The following ABCB5 variants were observed in gnomAD, a reference collection of about 807,000 sequenced individuals.
The protein encoded by ABCB5 is ATP-binding cassette sub-family B member 5.
In ABCB5, 155 loss-of-function variants were observed where a neutral mutation model predicts 144.2. That is an observed-to-expected ratio of 1.08 (90% CI 0.94 to 1.23). The LOEUF (loss-of-function observed/expected upper bound fraction) is 1.23, where lower values mean the gene tolerates loss of function less well. Ranked by LOEUF, ABCB5 falls within the 50% of genes most tolerant of loss-of-function variation. The pLI is 0.00. For synonymous variants in ABCB5, 610 were observed against 528.6 expected, an observed-to-expected ratio of 1.15 and a Z score of -2.11; for missense variants, 1,830 against 1,520.8, an observed-to-expected ratio of 1.20 and a Z score of -3.38.
intron 11 of ABCB5, 29 bp from the exon 12 acceptor site, chr7:20,649,993 T>G (rs759701627): frequency 6.3e-7 from 1 of 1,592,372 alleles, no homozygotes; most frequent in South Asian, 1.1e-5. Context: ...ATTGTGGTTT[T>G]ATGATTTTCC....
chr7:20,633,099 T>C (rs1219200122), intron 5 of ABCB5, among the ~76,000 whole-genome samples: 1 of 151,958 alleles, frequency 6.6e-6, no homozygotes, highest in East Asian at 1.9e-4. Flanking sequence ...AAAATACTTC[T>C]TAACATAAAA....
chr7:20,628,190 G>A lies in ABCB5; in HGVS notation c.109-498G>A, dbSNP rs189011021. On this transcript the variant is annotated intron_variant, in intron 3 of 27. Coordinates refer to ENST00000404938, the MANE Select transcript of ABCB5 (RefSeq NM_001163941.2). ...CACCCCACAACAGGCCCCGGTGTGTGATGTTCCCCACCCTGTGTCCATGTG... is the reference window on the plus strand; with the variant it reads ...CACCCCACAACAGGCCCCGGTGTGTAATGTTCCCCACCCTGTGTCCATGTG... Among the ~76,000 whole-genome samples the A allele has an allele frequency of 2.0e-4, 30 of 151,872 alleles. No homozygotes were observed. The East Asian group carries it at 5.8e-3, about 29-fold the overall frequency.
intron 15 of ABCB5, among the ~76,000 whole-genome samples, chr7:20,682,392 A>G (rs1785858616): frequency 6.6e-6 from 1 of 152,174 alleles, no homozygotes. Flanking sequence ...TGATGGGGAG[A>G]GACAGAGCTA....
At chr7:20,659,226 C>T in intron 14 of ABCB5, 1 of 1,574,540 alleles carries the variant, frequency 6.4e-7, no homozygotes, top group Non-Finnish European at 8.6e-7. Flanking sequence ...CAGTTGTGGC[C>T]CTGCACCAAA....
intron 16 of ABCB5, among the ~76,000 whole-genome samples, chr7:20,687,098 A>C (rs1296568640): frequency 6.6e-6 from 1 of 152,196 alleles, no homozygotes; most frequent in Non-Finnish European, 1.5e-5. Flanking sequence ...CCATATGACA[A>C]ATGTATGTTA....
intron 25 of ABCB5, 146 bp from the exon 26 acceptor site, chr7:20,745,086 G>A: frequency 1.2e-6 from 1 of 818,842 alleles, no homozygotes; most frequent in Non-Finnish European, 2.0e-6. Flanking sequence ...TATGATTTAT[G>A]AGCCTTCCTT....
chr7:20,709,042 G>C (rs1260672175), intron 20 of ABCB5, among the ~76,000 whole-genome samples: 4 of 152,156 alleles, frequency 2.6e-5, no homozygotes, highest in Admixed American at 6.5e-5. Context: ...AACTCATCAA[G>C]ATCCAGGAAA....
At chr7:20,671,397 A>G (rs780402267) in intron 14 of ABCB5, among the ~76,000 whole-genome samples, 14 of 152,202 alleles carry the variant, frequency 9.2e-5, no homozygotes, top group Admixed American at 2.0e-4. Context: ...ATTTTGGCGT[A>G]TATGTACACC....
rs111933366 is a variant in ABCB5 at position 20,641,352 on chromosome 7, AACACACAC to A, written c.315-1814_315-1807del. Among the ~76,000 whole-genome samples the A allele has an allele frequency of 1.7e-4, 18 of 108,498 alleles. No homozygotes were observed. In the East Asian group the frequency reaches 2.5e-3, roughly 15 times the overall value. 71.2% of individuals were successfully genotyped at this position (108,498 alleles called of 152,430 possible). On this transcript the variant is annotated intron_variant, in intron 5 of 27. Coordinates refer to ENST00000404938, the MANE Select transcript of ABCB5 (RefSeq NM_001163941.2). Reference sequence around the variant, plus strand: ...AACAAAGATTATTTTATTATTGCAAAACACACACACACACACACACACACAAACTATAA... The same window carrying A: ...AACAAAGATTATTTTATTATTGCAAAACACACACACACACACAAACTATAA...
chr7:20,685,695 G>C lies in ABCB5; in HGVS notation c.1870-1G>C. 6.3e-7 allele frequency: 1 copy of C among 1,598,992 alleles called. No individual in the cohort carries two copies. On this transcript the variant is annotated splice_acceptor_variant, in intron 15 of 27. Transcript: ENST00000404938. LOFTEE classifies it high-confidence loss of function. ...GATAACCTATATATTCTTCCTGTAA[G>C]GATATTAAAAAAGCTGATGAACAGA...
At chr7:20,748,039 G>T (rs944223816) in intron 26 of ABCB5, among the ~76,000 whole-genome samples, 1 of 152,102 alleles carries the variant, frequency 6.6e-6, no homozygotes, top group Non-Finnish European at 1.5e-5. Context: ...TGTAACTACC[G>T]CATTTTACAG....
chr7:20,649,211 G>T (rs1164744572), intron 11 of ABCB5, among the ~76,000 whole-genome samples: 1 of 152,094 alleles, frequency 6.6e-6, no homozygotes, highest in African/African-American at 2.4e-5. Context: ...GGTGGTCCCC[G>T]ATTTCTCACC....
intron 24 of ABCB5, among the ~76,000 whole-genome samples, chr7:20,740,096 C>T (rs978298177): frequency 5.3e-5 from 8 of 151,902 alleles, no homozygotes; most frequent in Admixed American, 3.9e-4. Context: ...AAAATTCAGC[C>T]GGGTGTGGTG....
rs986173400 is a variant in ABCB5 at position 20,694,213 on chromosome 7, C to T, written c.2011-4194C>T. 4.6e-5 allele frequency among the ~76,000 whole-genome samples: 7 copies of T among 151,510 alleles called. No homozygotes were observed. The East Asian group carries it at 7.7e-4, about 17-fold the overall frequency. ...GACAAATATCAGCCATGAACATAGA[C>T]GAAAGAATTCTTAACAAAATGTAAC... On this transcript the variant is annotated intron_variant, in intron 16 of 27. Transcript: ENST00000404938.
At chr7:20,727,177 T>C (rs772377873) in intron 22 of ABCB5, 37 bp downstream of exon 22, 21 of 1,535,466 alleles carry the variant, frequency 1.4e-5, no homozygotes, top group Non-Finnish European at 1.8e-5. Context: ...AAAACTTAAT[T>C]TTGTTCTGTA....
chr7:20,747,455 A>C (rs930559816), intron 26 of ABCB5, among the ~76,000 whole-genome samples: 2 of 152,124 alleles, frequency 1.3e-5, no homozygotes, highest in African/African-American at 4.8e-5. Context: ...ATGGGGTTTC[A>C]TCATGTTGCT....
intron 14 of ABCB5, among the ~76,000 whole-genome samples, chr7:20,681,058 C>CTCTTTCTTTCTTTCTTTCTT (rs869158355): frequency 1.3e-4 from 6 of 47,488 alleles, no homozygotes; most frequent in African/African-American, 5.8e-4. Flanking sequence ...CTCTCTCTCT[C>CTCTTTCTTTCTTTCTTTCTT]TCTTTCTTTC....
intron 14 of ABCB5, among the ~76,000 whole-genome samples, chr7:20,669,862 A>G (rs1392238701): frequency 3.9e-5 from 4 of 103,332 alleles, no homozygotes; most frequent in Non-Finnish European, 7.7e-5. Flanking sequence ...TTTCTAATAC[A>G]TACCAACCCA....
intron 19 of ABCB5, among the ~76,000 whole-genome samples, chr7:20,704,075 C>CTTTTCTTTTTTTTTTTTT (rs1786728973): frequency 1.2e-5 from 1 of 80,772 alleles, no homozygotes; most frequent in African/African-American, 5.0e-5. Context: ...TATTGCCTTC[C>CTTTTCTTTTTTTTTTTTT]TTTTTTTTTT....
Sources: gnomAD v4.1 joint callset for allele counts (sites outside exome capture counted in the v4.1 genomes callset) on GRCh38, gnomAD v4.1.1 for gene constraint, MANE v1.5 for transcripts, NCBI Gene and HGNC (gene_info 2026-07-23, HGNC 2026-07-21) for gene names.